ATP2B4: variants seen among roughly 807,000 people sequenced by gnomAD.
ATP2B4 encodes plasma membrane calcium-transporting ATPase 4.
In ATP2B4, 39 loss-of-function variants were observed where a neutral mutation model predicts 110.3. The observed-to-expected ratio is 0.35, with a 90% CI of 0.27 to 0.46. The LOEUF is 0.46. Ranked by LOEUF, ATP2B4 falls within the 20% of genes least tolerant of loss-of-function variation. The pLI, the probability that ATP2B4 is intolerant of heterozygous loss-of-function variation, is 1.00. For missense variants in ATP2B4, 1,135 were observed against 1,530.9 expected, an observed-to-expected ratio of 0.74 and a Z score of 4.32; for synonymous variants, 538 against 571.7, an observed-to-expected ratio of 0.94 and a Z score of 0.84.
intron 1 of ATP2B4, among the ~76,000 whole-genome samples, chr1:203,669,968 G>A (rs1431050606): frequency 6.6e-6 from 1 of 152,182 alleles, no homozygotes; most frequent in Non-Finnish European, 1.5e-5. Context: ...CTGGGGCTGA[G>A]TCACCTCTTT....
At chr1:203,704,117 T>A (rs1665776678) in intron 8 of ATP2B4, among the ~76,000 whole-genome samples, 1 of 152,230 alleles carries the variant, frequency 6.6e-6, no homozygotes, top group Non-Finnish European at 1.5e-5. Context: ...GAAGGAAGAC[T>A]TTAATAACTG....
At chr1:203,676,190 C>T (rs1024015983) in intron 1 of ATP2B4, among the ~76,000 whole-genome samples, 1 of 152,184 alleles carries the variant, frequency 6.6e-6, no homozygotes, top group Non-Finnish European at 1.5e-5. Context: ...CTGCCTCTGA[C>T]CTTGTTCCCA....
rs765757084 is a variant in ATP2B4 at position 203,709,538 on chromosome 1, C to T, written c.1795C>T (p.Arg599Cys). Reference protein sequence around the residue: ...YSKGASEIILRKCNRILDRKG... With the variant: ...YSKGASEIILCKCNRILDRKG... ...CAAGGGCGCCTCTGAGATCATCTTGCGCAAGTGAGCACCCCCGACCACTCT... is the reference window on the plus strand; with the variant it reads ...CAAGGGCGCCTCTGAGATCATCTTGTGCAAGTGAGCACCCCCGACCACTCT... Residue 599 changes from arginine to cysteine, a missense_variant, in exon 11 of 21, where the codon CGC (arginine) becomes TGC (cysteine). Arg to Cys is a radical substitution (Grantham distance 180). Coordinates refer to ENST00000357681, the MANE Select transcript of ATP2B4 (RefSeq NM_001684.5). 61 of 1,614,004 alleles carry T rather than the reference C, an allele frequency of 3.8e-5. No homozygotes were observed. Among genetic ancestry groups the T allele is most frequent in the East Asian group, 6.7e-5 (3 of 44,878 alleles).
In ATP2B4 at chr1:203,725,904, C is replaced by CTTTTTTTTT. The variant is rs756184004; in HGVS notation, c.3133-1477_3133-1469dup. Reference sequence around the variant, plus strand: ...ATTTCTTTTTCTTTTCTTTTCTTTTCTTTTTTTTTTTTTTTTTTTTTTAAG... The same window carrying CTTTTTTTTT: ...ATTTCTTTTTCTTTTCTTTTCTTTTCTTTTTTTTTTTTTTTTTTTTTTTTTTTTTTTAAG... On this transcript the variant is annotated intron_variant, in intron 19 of 20. Coordinates refer to ENST00000357681, the MANE Select transcript of ATP2B4 (RefSeq NM_001684.5). 2.0e-3 allele frequency among the ~76,000 whole-genome samples: 188 copies of CTTTTTTTTT among 93,350 alleles called. 2 individuals carry two copies. Among genetic ancestry groups the CTTTTTTTTT allele is most frequent in the East Asian group, 4.5e-3 (14 of 3,104 alleles). 61.2% of individuals were successfully genotyped at this position (93,350 alleles called of 152,430 possible).
intron 19 of ATP2B4, among the ~76,000 whole-genome samples, chr1:203,726,775 T>C (rs1398131743): frequency 6.6e-6 from 1 of 152,224 alleles, no homozygotes; most frequent in Non-Finnish European, 1.5e-5. Flanking sequence ...CCCTATGTAC[T>C]GCTCCTTGTC....
At chr1:203,635,547 T>A (rs915528311) in intron 1 of ATP2B4, among the ~76,000 whole-genome samples, 4 of 152,008 alleles carry the variant, frequency 2.6e-5, no homozygotes, top group Non-Finnish European at 4.4e-5. Flanking sequence ...CTGTCTGTAG[T>A]CCTAGCTACT....
chr1:203,712,612 G>C lies in ATP2B4; in HGVS notation c.2211+473G>C, dbSNP rs544124402. Among the ~76,000 whole-genome samples, 7 of 151,680 alleles carry C rather than the reference G, an allele frequency of 4.6e-5. No homozygotes were observed. The East Asian group carries it at 5.9e-4, about 13-fold the overall frequency. ...TCTCAAAAAAGAAAAAAAAAAGAGG[G>C]GGGGAGTTGCTTGTGAATGAAGCTT... is the stretch of plus-strand genomic sequence containing the variant. On this transcript the variant is annotated intron_variant, in intron 13 of 20. Coordinates refer to ENST00000357681, the MANE Select transcript of ATP2B4 (RefSeq NM_001684.5).
rs1334924244 is a variant in ATP2B4, at chr1:203,714,313, G to T, written c.2406+36G>T. On this transcript the variant is annotated intron_variant, in intron 15 of 20. Coordinates refer to ENST00000357681, the MANE Select transcript of ATP2B4 (RefSeq NM_001684.5). The stretch of plus-strand genomic sequence containing the variant: ...CACAGTGTCTCTCTGATTGCAAGCT[G>T]CCTTCTCCATCAGGAAGCCAGGTCC... The T allele has an allele frequency of 2.5e-6, 4 of 1,609,736 alleles. No homozygotes were observed. The African/African-American group carries it at 4.0e-5, about 16-fold the overall frequency.
chr1:203,709,847 C>T (rs578233703), intron 11 of ATP2B4, among the ~76,000 whole-genome samples: 1 of 152,244 alleles, frequency 6.6e-6, no homozygotes, highest in South Asian at 2.1e-4. Context: ...AGTGGCACAG[C>T]CAGGATTCAG....
At chr1:203,693,555 A>G (rs1410734731) in intron 2 of ATP2B4, among the ~76,000 whole-genome samples, 1 of 152,180 alleles carries the variant, frequency 6.6e-6, no homozygotes, top group Non-Finnish European at 1.5e-5. Context: ...TATGTTTTCC[A>G]TAGTGTATGT....
intron 1 of ATP2B4, among the ~76,000 whole-genome samples, chr1:203,671,828 G>A (rs1428377406): frequency 2.0e-5 from 3 of 152,252 alleles, no homozygotes; most frequent in Non-Finnish European, 4.4e-5. Context: ...CTCTGTAGAA[G>A]TGGAGGAAAC....
At chr1:203,658,494 G>GCA (rs983284859) in intron 1 of ATP2B4, among the ~76,000 whole-genome samples, 3 of 151,026 alleles carry the variant, frequency 2.0e-5, no homozygotes, top group African/African-American at 7.3e-5. Context: ...TGGCGCCACT[G>GCA]CACTCCACCC....
chr1:203,720,226 T>C (rs756043452), intron 15 of ATP2B4, among the ~76,000 whole-genome samples: 4 of 152,046 alleles, frequency 2.6e-5, no homozygotes, highest in Non-Finnish European at 5.9e-5. Context: ...GCAACAGAAA[T>C]GTGAGAATTT....
intron 1 of ATP2B4, among the ~76,000 whole-genome samples, chr1:203,656,637 C>T (rs1264350169): frequency 1.3e-5 from 2 of 152,192 alleles, no homozygotes; most frequent in East Asian, 3.8e-4. Context: ...TTCTCAGACA[C>T]ATAATTAAGT....
chr1:203,712,205 C>A, intron 13 of ATP2B4, 66 bp downstream of exon 13: 1 of 1,537,888 alleles, frequency 6.5e-7, no homozygotes. Flanking sequence ...TAGCATAAGG[C>A]ATCTGGGTCA....
chr1:203,667,423 G>T (rs12568960), intron 1 of ATP2B4, among the ~76,000 whole-genome samples: 110,988 of 152,186 alleles, frequency 0.73, 43,703 homozygotes, highest in Non-Finnish European at 0.88. Context: ...TCTGGAGTAA[G>T]GTTCTGGAGT....
intron 2 of ATP2B4, among the ~76,000 whole-genome samples, chr1:203,690,974 G>A (rs1665355828): frequency 6.6e-6 from 1 of 152,178 alleles, no homozygotes; most frequent in South Asian, 2.1e-4. Flanking sequence ...GCTGAATTAG[G>A]CTTCTTGTAG....
intron 20 of ATP2B4, chr1:203,733,119 T>C: frequency 4.4e-6 from 5 of 1,127,736 alleles, no homozygotes; most frequent in Non-Finnish European, 3.7e-6. Flanking sequence ...CCCATCTACT[T>C]CCATTCCTGC....
intron 8 of ATP2B4, among the ~76,000 whole-genome samples, chr1:203,704,952 T>G (rs373993418): frequency 6.6e-6 from 1 of 152,178 alleles, no homozygotes; most frequent in Admixed American, 6.5e-5. Context: ...TCTGCATTCC[T>G]AATAAGCCCC....
Sources: allele counts gnomAD v4.1 joint callset (sites outside exome capture counted in the v4.1 genomes callset), GRCh38; gene constraint gnomAD v4.1.1; transcripts MANE v1.5; gene names NCBI Gene and HGNC (gene_info 2026-07-23, HGNC 2026-07-21).